Variants in PHF12 observed in about 807,000 individuals in gnomAD.
PHF12 encodes PHD factor 1.
A neutral mutation model predicts 99.8 loss-of-function variants in PHF12; 6 were observed. The ratio of observed to expected loss-of-function variants is 0.06; its 90% confidence interval spans 0.03 to 0.12. The LOEUF is 0.12. PHF12 is among the 10% of genes least tolerant of loss of function. The pLI is 1.00. For missense variants in PHF12, 954 were observed against 1,300.1 expected, an observed-to-expected ratio of 0.73 and a Z score of 4.09; for synonymous variants, 480 against 514.9, an observed-to-expected ratio of 0.93 and a Z score of 0.92.
rs1491183033 is a variant in PHF12, at chr17:28,923,651, C to CAAAAA, written c.715+257_715+258insTTTTT. Among the ~76,000 whole-genome samples the CAAAAA allele has an allele frequency of 1.8e-3, 39 of 21,954 alleles. 3 individuals are homozygous for CAAAAA. The highest frequency in any genetic ancestry group is 6.5e-3 in the African/African-American group (28 of 4,338). 14.4% of individuals were successfully genotyped at this position (21,954 alleles called of 152,430 possible). On this transcript the variant is annotated intron_variant, in intron 4 of 14. Coordinates refer to ENST00000332830, the MANE Select transcript of PHF12 (RefSeq NM_001033561.2). ...CTAGCCTGAGTGACAAAGTGAGACT[C>CAAAAA]ACAAAAAAAAAAAAAAAAAAAAAAG...
chr17:28,908,573 T>G, intron 12 of PHF12: 1 of 566,310 alleles, frequency 1.8e-6, no homozygotes, highest in South Asian at 2.2e-5. Context: ...TCCTGCCTTG[T>G]CCTCCCAAAG....
At chr17:28,939,428 T>G (rs2040572302) in intron 2 of PHF12, among the ~76,000 whole-genome samples, 1 of 152,224 alleles carries the variant, frequency 6.6e-6, no homozygotes, top group African/African-American at 2.4e-5. Context: ...GGAGCATAAT[T>G]TTCACAATTA....
chr17:28,935,683 TA>T (rs891128817), intron 2 of PHF12, among the ~76,000 whole-genome samples: 1 of 152,166 alleles, frequency 6.6e-6, no homozygotes, highest in African/African-American at 2.4e-5. Flanking sequence ...AATTGGAGGG[TA>T]TGTTTCTCAG....
At chr17:28,932,510 AC>A (rs2040431748) in intron 2 of PHF12, among the ~76,000 whole-genome samples, 1 of 152,188 alleles carries the variant, frequency 6.6e-6, no homozygotes, top group Non-Finnish European at 1.5e-5. Context: ...AAGCTCAGGA[AC>A]CAATTCTGAA....
In PHF12 at chr17:28,906,733, C is replaced by T. The variant is rs2152654540; in HGVS notation, c.2680+123G>A. The T allele has an allele frequency of 7.0e-7, 1 of 1,426,052 alleles. No homozygotes were observed. The highest frequency in any genetic ancestry group is 2.3e-5 in the East Asian group (1 of 43,402). The allele number at this position is 1,426,052 out of a possible 1,614,324, so 88.3% of individuals were successfully genotyped here. The stretch of plus-strand genomic sequence containing the variant: ...TGCTTCTCTGTGGCCTGCCCTGGGC[C>T]CACGAGGAAGTAGAGCTTGGCCAAT... On this transcript the variant is annotated intron_variant, in intron 14 of 14. Coordinates refer to ENST00000332830, the MANE Select transcript of PHF12 (RefSeq NM_001033561.2). The surrounding 1 kb of genome is among the most constrained non-coding windows in gnomAD (Gnocchi z 4.2).
intron 2 of PHF12, among the ~76,000 whole-genome samples, chr17:28,932,620 T>C (rs2040434072): frequency 6.6e-6 from 1 of 152,144 alleles, no homozygotes; most frequent in South Asian, 2.1e-4. Context: ...GTACTTATTC[T>C]GAGGACTCCC....
intron 13 of PHF12, 173 bp from the exon 14 acceptor site, chr17:28,907,167 A>G: frequency 1.4e-6 from 1 of 696,812 alleles, no homozygotes; most frequent in Non-Finnish European, 2.3e-6. Context: ...TCCTCAGGGA[A>G]GCTTTCCTTC....
At chr17:28,914,186 T>G (rs1207094835) in intron 7 of PHF12, 149 bp from the exon 8 acceptor site, 9 of 888,764 alleles carry the variant, frequency 1.0e-5, no homozygotes, top group Non-Finnish European at 1.3e-5. Context: ...GGCTCAGAAA[T>G]GGAAATAGCA....
At chr17:28,912,257 A>AT in intron 9 of PHF12, 5 of 1,328,256 alleles carry the variant, frequency 3.8e-6, no homozygotes, top group Non-Finnish European at 4.8e-6. Flanking sequence ...TCAGTAGGTC[A>AT]TTTTAAGGAA....
chr17:28,919,045 G>A, intron 6 of PHF12, 98 bp downstream of exon 6: 1 of 1,445,386 alleles, frequency 6.9e-7, no homozygotes, highest in Non-Finnish European at 9.3e-7. Flanking sequence ...TGACAATGTG[G>A]TGAACTTGGC....
Position 28,951,009 on chromosome 17 carries a change from C to T in PHF12, c.-49G>A. ...CTCTCTGCTCCGGCCCCCCCAACCC[C>T]GGGGGGAGGGGGGAGGTGAGGGGAG... On this transcript the variant is annotated 5_prime_UTR_variant, in exon 1 of 15. Coordinates refer to ENST00000332830, the MANE Select transcript of PHF12 (RefSeq NM_001033561.2). The T allele has an allele frequency of 6.2e-7, 1 of 1,608,582 alleles. No individual in the cohort carries two copies. The highest frequency in any genetic ancestry group is 8.5e-7 in the Non-Finnish European group (1 of 1,177,122).
chr17:28,909,957 G>A, intron 11 of PHF12: 1 of 635,960 alleles, frequency 1.6e-6, no homozygotes, highest in South Asian at 1.8e-5. Flanking sequence ...ATACCCAAAG[G>A]TACTGGTAGC....
chr17:28,927,182 G>T (rs2040296036), intron 2 of PHF12, 119 bp from the exon 3 acceptor site: 2 of 848,194 alleles, frequency 2.4e-6, no homozygotes, highest in African/African-American at 1.7e-5. Context: ...GGACTGCTAG[G>T]GTTGTCTCCT....
At position 28,924,228 on chromosome 17, in the gene PHF12, G is replaced by A; in HGVS notation, c.396C>T (p.Pro132=). 1 of 1,614,198 alleles carries A rather than the reference G, an allele frequency of 6.2e-7. No homozygotes were observed. Among genetic ancestry groups the A allele is most frequent in the Non-Finnish European group, 8.5e-7 (1 of 1,180,034 alleles). Residue 132 remains proline (P), a synonymous_variant, in exon 4 of 15, where the codon CCC becomes CCT. Coordinates refer to ENST00000332830, the MANE Select transcript of PHF12 (RefSeq NM_001033561.2). ...VDKSGKRTTS[P]SSDTDLLDRS... is the part of the protein sequence containing the mutation. Reference sequence around the variant, plus strand: ...TGTCCAACAAGTCAGTGTCACTGCTGGGGGATGTAGTCCGTTTGCCAGATT... The same window carrying A: ...TGTCCAACAAGTCAGTGTCACTGCTAGGGGATGTAGTCCGTTTGCCAGATT...
chr17:28,950,280 T>C lies in PHF12; in HGVS notation c.67-34A>G, dbSNP rs761477023. 1 of 1,571,782 alleles carries C rather than the reference T, an allele frequency of 6.4e-7. No individual in the cohort carries two copies. Among genetic ancestry groups the C allele is most frequent in the South Asian group, 1.1e-5 (1 of 89,588 alleles). ...ACATACAAACGGCGTGTGTGCACAC[T>C]CGGAGCTCCCGGGCGGTCCGTCGCC... On this transcript the variant is annotated intron_variant, in intron 1 of 14. Coordinates refer to ENST00000332830, the MANE Select transcript of PHF12 (RefSeq NM_001033561.2). The surrounding 1 kb of genome is among the most constrained non-coding windows in gnomAD (Gnocchi z 5.7).
chr17:28,908,771 T>C lies in PHF12; in HGVS notation c.2458+12A>G. On this transcript the variant is annotated intron_variant, in intron 12 of 14. Transcript: ENST00000332830. ...AGATTCAGTGTCTCTCCCAGCTTCCTGGCTGGCTCACCTGTCCCGATGTAG... is the reference window on the plus strand; with the variant it reads ...AGATTCAGTGTCTCTCCCAGCTTCCCGGCTGGCTCACCTGTCCCGATGTAG... The C allele has an allele frequency of 6.2e-7, 1 of 1,612,880 alleles. No homozygotes were observed. Among genetic ancestry groups the C allele is most frequent in the Non-Finnish European group, 8.5e-7 (1 of 1,179,010 alleles).
In PHF12 at chr17:28,910,025, C is replaced by T. The variant is rs545650192; in HGVS notation, c.2359+201G>A. On this transcript the variant is annotated intron_variant, in intron 11 of 14. Coordinates refer to ENST00000332830, the MANE Select transcript of PHF12 (RefSeq NM_001033561.2). Reference sequence around the variant, plus strand: ...TGAAAGAAAGTTACAGCAGACTTCCCCAAGTCTGATCAGAAAGCTGTGGTT... The same window carrying T: ...TGAAAGAAAGTTACAGCAGACTTCCTCAAGTCTGATCAGAAAGCTGTGGTT... 2.8e-5 allele frequency: 22 copies of T among 782,002 alleles called. No individual in the cohort carries two copies. In the African/African-American group the frequency reaches 3.6e-4, roughly 13 times the overall value. The allele number at this position is 782,002 out of a possible 1,614,324, so 48.4% of individuals were successfully genotyped here. A position where few individuals can be genotyped will look rare whatever the true frequency, so the allele number is the denominator to read the frequency against.
intron 2 of PHF12, among the ~76,000 whole-genome samples, chr17:28,933,081 G>A (rs1276262144): frequency 6.6e-6 from 1 of 152,086 alleles, no homozygotes; most frequent in Non-Finnish European, 1.5e-5. Flanking sequence ...CTCTGCCCTC[G>A]CTCCCTCTCA....
At position 28,911,599 on chromosome 17, in the gene PHF12, C is replaced by T. The variant is rs141485087; in HGVS notation, c.2090-362G>A. ...TTGCCTACTGAAATATGACTCACGG[C>T]GTGGAGAATCTACCCACGCTGGTTT... On this transcript the variant is annotated intron_variant, in intron 9 of 14. Coordinates refer to ENST00000332830, the MANE Select transcript of PHF12 (RefSeq NM_001033561.2). 4.5e-3 allele frequency among the ~76,000 whole-genome samples: 691 copies of T among 152,228 alleles called. 12 individuals are homozygous for T. The highest frequency in any genetic ancestry group is 0.01 in the Middle Eastern group (3 of 294).
Sources: allele counts gnomAD v4.1 joint callset (sites outside exome capture counted in the v4.1 genomes callset), GRCh38; gene constraint gnomAD v4.1.1; non-coding constraint Gnocchi (gnomAD v3.1); transcripts MANE v1.5; gene names NCBI Gene and HGNC (gene_info 2026-07-23, HGNC 2026-07-21).